The following IFT74 variants were observed in gnomAD, a reference collection of about 807,000 sequenced individuals.
IFT74 encodes intraflagellar transport protein 74 homolog.
IFT74 carries 92 observed loss-of-function variants against 96.7 expected under a neutral mutation model. That is an observed-to-expected ratio of 0.95 (90% CI 0.80 to 1.13). IFT74 has a LOEUF of 1.13. Ranked by LOEUF, IFT74 falls within the 50% of genes most tolerant of loss-of-function variation. The pLI, the probability that IFT74 is intolerant of heterozygous loss-of-function variation, is 0.00. For synonymous variants in IFT74, 223 were observed against 213.2 expected, an observed-to-expected ratio of 1.05 and a Z score of -0.40; for missense variants, 811 against 698.2, an observed-to-expected ratio of 1.16 and a Z score of -1.82.
chr9:27,055,750 C>T lies in IFT74; in HGVS notation c.1475C>T (p.Ser492Leu). The change falls in exon 17 of 20, where the codon TCA becomes TTA. Residue 492 changes from serine to leucine, a missense_variant. Physicochemically the swap from Ser to Leu is moderately radical, Grantham distance 145. Transcript: ENST00000380062. ...TATAATGATTTGCCAGCTTTAAAATCATCAGGTGAAGAAAAGATAAAGGTA... is the reference window on the plus strand; with the variant it reads ...TATAATGATTTGCCAGCTTTAAAATTATCAGGTGAAGAAAAGATAAAGGTA... Reference protein sequence around the residue: ...EIYNDLPALKSSGEEKIKKLH... With the variant: ...EIYNDLPALKLSGEEKIKKLH... 2 of 1,550,576 alleles carry T rather than the reference C, an allele frequency of 1.3e-6. No individual in the cohort carries two copies. The highest frequency in any genetic ancestry group is 1.7e-6 in the Non-Finnish European group (2 of 1,156,194).
At chr9:26,951,271 A>T (rs371903725) in intron 1 of IFT74, among the ~76,000 whole-genome samples, 2 of 152,242 alleles carry the variant, frequency 1.3e-5, no homozygotes, top group Non-Finnish European at 2.9e-5. Flanking sequence ...GTTGGGGTCA[A>T]TATGGTTCAG....
intron 19 of IFT74, among the ~76,000 whole-genome samples, chr9:27,061,416 T>A (rs545476340): frequency 1.3e-5 from 2 of 152,230 alleles, no homozygotes; most frequent in East Asian, 3.9e-4. Flanking sequence ...AAGTTAAACA[T>A]TATCAGTAAA....
rs745737604 is a variant in IFT74, at chr9:26,995,745, A to C, written c.587+5550A>C. The C allele has an allele frequency of 1.9e-6, 3 of 1,613,858 alleles. No homozygotes were observed. In the South Asian group the frequency reaches 3.3e-5, roughly 18 times the overall value. On this transcript the variant is annotated intron_variant, in intron 8 of 19. Coordinates refer to ENST00000380062, the MANE Select transcript of IFT74 (RefSeq NM_025103.4). ...TGATTATAACTAAGCAGAATATTGT[A>C]CCATATTGGGCATTTGATAGCAATA...
At chr9:26,956,160 CAAGT>C (rs1353228530), upstream of IFT74, 1 of 152,262 alleles carries the variant, frequency 6.6e-6, no homozygotes, top group Non-Finnish European at 1.5e-5. Context: ...AGAGTTACTT[CAAGT>C]AAGGCACACG....
chr9:26,948,664 C>G (rs1267627925), intron 1 of IFT74, among the ~76,000 whole-genome samples: 6 of 151,704 alleles, frequency 4.0e-5, no homozygotes, highest in African/African-American at 1.5e-4. Flanking sequence ...ACGAGTTTCA[C>G]CATGTTGGCC....
intron 17 of IFT74, 114 bp downstream of exon 17, chr9:27,055,886 T>C (rs558138904): frequency 1.6e-6 from 1 of 634,190 alleles, no homozygotes; most frequent in South Asian, 4.3e-5. Context: ...ATTTTATATA[T>C]ATAAGTGAGA....
At chr9:26,988,314 G>T (rs1164163353) in intron 6 of IFT74, among the ~76,000 whole-genome samples, 1 of 152,124 alleles carries the variant, frequency 6.6e-6, no homozygotes, top group Non-Finnish European at 1.5e-5. Flanking sequence ...GGCAGGGGAA[G>T]AGAGGGTGAT....
chr9:27,010,575 C>G (rs564408229), intron 9 of IFT74, among the ~76,000 whole-genome samples: 1 of 151,178 alleles, frequency 6.6e-6, no homozygotes, highest in African/African-American at 2.4e-5. Context: ...CTGGAAGCTC[C>G]GCCTCCCAGG....
At chr9:26,992,027 C>G (rs1016281464) in intron 8 of IFT74, among the ~76,000 whole-genome samples, 1 of 148,672 alleles carries the variant, frequency 6.7e-6, no homozygotes, top group African/African-American at 2.5e-5. Context: ...CAGAGCGAGA[C>G]TCCGTCTCAA....
intron 8 of IFT74, among the ~76,000 whole-genome samples, chr9:26,997,575 C>A (rs1828230515): frequency 6.6e-6 from 1 of 152,180 alleles, no homozygotes. Context: ...CTCAGGTGAT[C>A]CCCCTGCCTT....
At chr9:26,974,633 G>A (rs756721165) in intron 2 of IFT74, among the ~76,000 whole-genome samples, 4 of 152,046 alleles carry the variant, frequency 2.6e-5, no homozygotes, top group African/African-American at 7.2e-5. Flanking sequence ...TTTTTGGTCC[G>A]CGGTAGGGAC....
intron 16 of IFT74, 148 bp downstream of exon 16, chr9:27,048,422 C>A: frequency 1.8e-6 from 1 of 561,664 alleles, no homozygotes; most frequent in Non-Finnish European, 3.1e-6. Context: ...CATCAGCTGG[C>A]TAGTATTATG....
intron 12 of IFT74, among the ~76,000 whole-genome samples, chr9:27,019,387 A>G (rs1829495025): frequency 6.6e-6 from 1 of 151,842 alleles, no homozygotes; most frequent in Non-Finnish European, 1.5e-5. Context: ...ATCATTCAAT[A>G]TGTGCTTCTG....
chr9:27,006,695 AG>A (rs1828798107), intron 8 of IFT74, among the ~76,000 whole-genome samples: 1 of 148,242 alleles, frequency 6.7e-6, no homozygotes, highest in African/African-American at 2.5e-5. Context: ...GGAAGGAGGC[AG>A]GGAGGGAGGA....
At chr9:27,047,436 A>C in intron 15 of IFT74, 65 bp downstream of exon 15, 1 of 943,338 alleles carries the variant, frequency 1.1e-6, no homozygotes. Context: ...TCCAAATACA[A>C]CTCAAAAAAT....
At chr9:27,006,303 G>A (rs958592439) in intron 8 of IFT74, among the ~76,000 whole-genome samples, 1 of 152,088 alleles carries the variant, frequency 6.6e-6, no homozygotes, top group African/African-American at 2.4e-5. Context: ...GTGCTTAGAA[G>A]CATTCAAACT....
At chr9:26,968,125 T>C (rs1826708467) in intron 2 of IFT74, among the ~76,000 whole-genome samples, 1 of 151,676 alleles carries the variant, frequency 6.6e-6, no homozygotes, top group African/African-American at 2.4e-5. Context: ...TTTGAAAGCA[T>C]TTTCTCCTCT....
rs1297087248 is a variant in IFT74, at chr9:27,005,398, CTTTA to C, written c.588-3617_588-3614del. ...ACAATTACTTAGTATTGTATTCTAA[CTTTA>C]TTTAGGAAAGACCCTTTGGCCATGT... On this transcript the variant is annotated intron_variant, in intron 8 of 19. Transcript: ENST00000380062. 3.6e-5 allele frequency among the ~76,000 whole-genome samples: 4 copies of C among 112,252 alleles called. No individual in the cohort carries two copies. In the Admixed American group the frequency reaches 5.5e-4, roughly 16 times the overall value. The allele number at this position is 112,252 out of a possible 152,430, so 73.6% of individuals were successfully genotyped here.
chr9:27,039,922 T>G (rs1279158549), intron 13 of IFT74, among the ~76,000 whole-genome samples: 1 of 152,146 alleles, frequency 6.6e-6, no homozygotes, highest in Non-Finnish European at 1.5e-5. Flanking sequence ...ATGGGAGAGA[T>G]AGACTGAATG....
Sources: allele counts gnomAD v4.1 joint callset (sites outside exome capture counted in the v4.1 genomes callset), GRCh38; gene constraint gnomAD v4.1.1; transcripts MANE v1.5; gene names NCBI Gene and HGNC (gene_info 2026-07-23, HGNC 2026-07-21).